Variants in PPA2 observed in about 807,000 individuals in gnomAD.
PPA2 encodes the protein inorganic pyrophosphatase 2, mitochondrial.
In PPA2, 48 loss-of-function variants were observed where a neutral mutation model predicts 49.5. That is an observed-to-expected ratio of 0.97 (90% CI 0.77 to 1.23). PPA2 has a LOEUF of 1.23. PPA2 is among the 50% of genes most tolerant of loss of function. PPA2 has a pLI of 0.00. For synonymous variants in PPA2, 131 were observed against 139.9 expected, an observed-to-expected ratio of 0.94 and a Z score of 0.45; for missense variants, 429 against 410.1, an observed-to-expected ratio of 1.05 and a Z score of -0.40.
At position 105,411,143 on chromosome 4, in the gene PPA2, C is replaced by T. The variant is rs549297115; in HGVS notation, c.656-11979G>A. On this transcript the variant is annotated intron_variant, in intron 7 of 11. Transcript: ENST00000341695. Reference sequence around the variant, plus strand: ...GCAAATTGGATAAAGAGTCAAGACCCATCAGTGTGCTGTATTCAGAAGATG... The same window carrying T: ...GCAAATTGGATAAAGAGTCAAGACCTATCAGTGTGCTGTATTCAGAAGATG... Among the ~76,000 whole-genome samples, 13 of 152,250 alleles carry T rather than the reference C, an allele frequency of 8.5e-5. No homozygotes were observed. The South Asian group carries it at 2.5e-3, about 29-fold the overall frequency.
chr4:105,458,818 C>CAAAA (rs57073135), intron 1 of PPA2, among the ~76,000 whole-genome samples: 6 of 31,508 alleles, frequency 1.9e-4, no homozygotes, highest in East Asian at 1.2e-3. Context: ...ACTCCACCTC[C>CAAAA]AAAAAAAAAA....
At chr4:105,428,795 G>C (rs939810571) in intron 6 of PPA2, among the ~76,000 whole-genome samples, 1 of 152,022 alleles carries the variant, frequency 6.6e-6, no homozygotes, top group Non-Finnish European at 1.5e-5. Context: ...TTTTGCACAT[G>C]TAACCCAGAA....
rs1722569149 is a variant in PPA2, at chr4:105,449,383, T to A, written c.288A>T (p.Val96=). ...TAGCATTTGTCCACCGAGGTATTTC[T>A]ACAATCATATTAAACAGATTCTGCA... ...DEYENLFNMI[V]EIPRWTNAKM... is the part of the protein sequence containing the mutation. Residue 96 remains valine (V), a synonymous_variant, in exon 4 of 12, where the codon GTA becomes GTT. Coordinates refer to ENST00000341695, the MANE Select transcript of PPA2 (RefSeq NM_176869.3). The A allele has an allele frequency of 3.8e-6, 6 of 1,577,996 alleles. No homozygotes were observed. Among genetic ancestry groups the A allele is most frequent in the Non-Finnish European group, 5.2e-6 (6 of 1,154,012 alleles).
intron 1 of PPA2, among the ~76,000 whole-genome samples, chr4:105,466,777 T>G (rs533515917): frequency 4.6e-4 from 70 of 152,292 alleles, no homozygotes; most frequent in African/African-American, 1.6e-3. Context: ...CCCCTGATTC[T>G]TCCCTTGGGG....
intron 6 of PPA2, among the ~76,000 whole-genome samples, chr4:105,437,139 C>T (rs956047669): frequency 1.3e-5 from 2 of 151,960 alleles, no homozygotes; most frequent in African/African-American, 4.8e-5. Context: ...GGCCACGAAC[C>T]AACATTTCTC....
At chr4:105,434,007 T>C (rs1409085100) in intron 6 of PPA2, among the ~76,000 whole-genome samples, 1 of 152,216 alleles carries the variant, frequency 6.6e-6, no homozygotes, top group Non-Finnish European at 1.5e-5. Flanking sequence ...TATTATTATT[T>C]TTTTGAGACT....
intron 7 of PPA2, among the ~76,000 whole-genome samples, chr4:105,406,299 C>T (rs1388869643): frequency 3.3e-5 from 5 of 151,822 alleles, no homozygotes; most frequent in African/African-American, 7.3e-5. Context: ...AGACTGGAAG[C>T]GTGTTAGTGA....
At chr4:105,435,863 A>G (rs1724031140) in intron 6 of PPA2, among the ~76,000 whole-genome samples, 1 of 152,172 alleles carries the variant, frequency 6.6e-6, no homozygotes, top group South Asian at 2.1e-4. Flanking sequence ...CCAAATGTGA[A>G]AAAGTTGAAA....
At chr4:105,426,890 G>A (rs1168034918) in intron 6 of PPA2, among the ~76,000 whole-genome samples, 1 of 152,214 alleles carries the variant, frequency 6.6e-6, no homozygotes, top group Non-Finnish European at 1.5e-5. Context: ...TAATAGACAA[G>A]ACTGCCTCCT....
intron 1 of PPA2, among the ~76,000 whole-genome samples, chr4:105,467,322 TA>T (rs1723345055): frequency 6.6e-6 from 1 of 152,040 alleles, no homozygotes; most frequent in African/African-American, 2.4e-5. Flanking sequence ...ACTGAAGGCA[TA>T]AAAAGCACAG....
Position 105,466,710 on chromosome 4 carries a change from AC to A in PPA2, c.157+7183del, listed in dbSNP as rs542278484. ...CTTGAAAAGACAAATGCACGGTTTG[AC>A]CTTTCAACTTGGGGTTTTATATGTT... is the stretch of plus-strand genomic sequence containing the variant. On this transcript the variant is annotated intron_variant, in intron 1 of 11. Coordinates refer to ENST00000341695, the MANE Select transcript of PPA2 (RefSeq NM_176869.3). Among the ~76,000 whole-genome samples the A allele has an allele frequency of 4.3e-4, 65 of 152,282 alleles. 1 individual carries two copies. The South Asian group carries it at 0.013, about 30-fold the overall frequency.
At chr4:105,426,501 G>C (rs1394223181) in intron 6 of PPA2, among the ~76,000 whole-genome samples, 2 of 152,206 alleles carry the variant, frequency 1.3e-5, no homozygotes, top group Admixed American at 1.3e-4. Flanking sequence ...CTTTTCCCAT[G>C]GTCTTCACAA....
chr4:105,435,934 A>G (rs1724033885), intron 6 of PPA2, among the ~76,000 whole-genome samples: 1 of 152,138 alleles, frequency 6.6e-6, no homozygotes, highest in African/African-American at 2.4e-5. Context: ...CCCATTCAAC[A>G]TAGTACTGGA....
At chr4:105,414,088 CAAGA>C (rs950774148) in intron 7 of PPA2, among the ~76,000 whole-genome samples, 1 of 151,862 alleles carries the variant, frequency 6.6e-6, no homozygotes, top group Non-Finnish European at 1.5e-5. Context: ...AATAGAAATA[CAAGA>C]AAGATGTTCC....
intron 9 of PPA2, among the ~76,000 whole-genome samples, chr4:105,394,239 C>G (rs1384220824): frequency 1.3e-5 from 2 of 151,824 alleles, no homozygotes; most frequent in Non-Finnish European, 2.9e-5. Context: ...TGGTTTCAGG[C>G]TTATGTAATC....
At chr4:105,411,743 C>T (rs1226606595) in intron 7 of PPA2, among the ~76,000 whole-genome samples, 3 of 152,212 alleles carry the variant, frequency 2.0e-5, no homozygotes, top group Non-Finnish European at 2.9e-5. Flanking sequence ...TTAGCAAAGT[C>T]TCAGGATACA....
At chr4:105,369,841 A>G (rs1732953392) in intron 11 of PPA2, 88 bp from the exon 12 acceptor site, 3 of 1,268,774 alleles carry the variant, frequency 2.4e-6, no homozygotes, top group Non-Finnish European at 3.5e-6. Flanking sequence ...TTCGACTTTT[A>G]GGAAGTATTT....
At chr4:105,374,508 C>T (rs766644406) in intron 10 of PPA2, among the ~76,000 whole-genome samples, 2 of 152,180 alleles carry the variant, frequency 1.3e-5, no homozygotes, top group Non-Finnish European at 2.9e-5. Context: ...GGTTTCATTG[C>T]CAAAGTATTC....
chr4:105,406,706 CT>C (rs1722491638), intron 7 of PPA2, among the ~76,000 whole-genome samples: 1 of 152,128 alleles, frequency 6.6e-6, no homozygotes, highest in Admixed American at 6.5e-5. Flanking sequence ...AAAGTAGACC[CT>C]CATTATACTG....
Sources: gnomAD v4.1 joint callset for allele counts (sites outside exome capture counted in the v4.1 genomes callset) on GRCh38, gnomAD v4.1.1 for gene constraint, MANE v1.5 for transcripts, NCBI Gene and HGNC (gene_info 2026-07-23, HGNC 2026-07-21) for gene names.